PDE4B: variants seen among roughly 807,000 people sequenced by gnomAD.
The protein encoded by PDE4B is phosphodiesterase 4B.
A neutral mutation model predicts 82.2 loss-of-function variants in PDE4B; 20 were observed. The observed-to-expected ratio is 0.24, with a 90% CI of 0.17 to 0.35. The LOEUF (loss-of-function observed/expected upper bound fraction) is 0.35, where lower values mean the gene tolerates loss of function less well. Ranked by LOEUF, PDE4B falls within the 10% of genes least tolerant of loss-of-function variation. The pLI is 1.00. For synonymous variants in PDE4B, 320 were observed against 318.9 expected (o/e 1.00, Z -0.04); for missense variants, 655 against 907.2 (o/e 0.72, Z 3.57).
At chr1:65,845,508 G>T (rs1476131178) in intron 1 of PDE4B, among the ~76,000 whole-genome samples, 1 of 152,164 alleles carries the variant, frequency 6.6e-6, no homozygotes, top group Non-Finnish European at 1.5e-5. Context: ...TATTGTAGGG[G>T]TGAGATATGG....
At chr1:65,962,767 G>T (rs912075053) in intron 3 of PDE4B, among the ~76,000 whole-genome samples, 1 of 152,140 alleles carries the variant, frequency 6.6e-6, no homozygotes, top group Non-Finnish European at 1.5e-5. Flanking sequence ...CACGAGGCAG[G>T]TCTATGTCCT....
intron 3 of PDE4B, among the ~76,000 whole-genome samples, chr1:66,149,663 G>T (rs1037965384): frequency 2.2e-4 from 34 of 152,106 alleles, no homozygotes; most frequent in Admixed American, 1.3e-4. Flanking sequence ...AGATCAGCCT[G>T]GGCAACATAG....
chr1:65,911,326 A>G (rs1453200068), intron 1 of PDE4B, among the ~76,000 whole-genome samples: 2 of 152,130 alleles, frequency 1.3e-5, no homozygotes, highest in African/African-American at 4.8e-5. Flanking sequence ...AAGAAATTCA[A>G]CTCACTTAGA....
rs538545355 is a variant in PDE4B at position 65,987,672 on chromosome 1, G to A, written c.281+68837G>A. 4.6e-5 allele frequency among the ~76,000 whole-genome samples: 7 copies of A among 152,190 alleles called. No homozygotes were observed. In the South Asian group the frequency reaches 1.0e-3, roughly 23 times the overall value. On this transcript the variant is annotated intron_variant, in intron 3 of 16. Transcript: ENST00000341517. ...TGTCTGCCTGGGCTGGAGTGCAATG[G>A]CACAATCTCTGCTCACCACAACCTC...
intron 3 of PDE4B, 49 bp downstream of exon 3, chr1:65,918,884 T>G: frequency 2.7e-6 from 3 of 1,109,456 alleles, no homozygotes; most frequent in Non-Finnish European, 4.2e-6. Flanking sequence ...TATTTTCCAA[T>G]TTCTCCAAAT....
At chr1:65,886,271 G>A (rs538861531) in intron 1 of PDE4B, among the ~76,000 whole-genome samples, 152 of 151,974 alleles carry the variant, frequency 1.0e-3, no homozygotes, top group Non-Finnish European at 1.9e-3. Flanking sequence ...ATATTTGTAT[G>A]TATTTATGGG....
At chr1:65,833,361 G>A (rs1226110185) in intron 1 of PDE4B, among the ~76,000 whole-genome samples, 2 of 152,162 alleles carry the variant, frequency 1.3e-5, no homozygotes, top group East Asian at 3.8e-4. Context: ...CCCCTCACCA[G>A]ACTTTAAGGC....
chr1:65,808,016 T>C lies in PDE4B; in HGVS notation c.-71+14768T>C, dbSNP rs76438520. 8.2e-3 allele frequency among the ~76,000 whole-genome samples: 1,242 copies of C among 152,222 alleles called. 14 individuals are homozygous for C. The highest frequency in any genetic ancestry group is 0.029 in the African/African-American group (1,185 of 41,534). On this transcript the variant is annotated intron_variant, in intron 1 of 16. Coordinates refer to ENST00000341517, the MANE Select transcript of PDE4B (RefSeq NM_002600.4). ...TGTTACTTTGACCATAGTGTCTGCGTGAATACAGAGCATCGACCTCTAGAC... is the reference window on the plus strand; with the variant it reads ...TGTTACTTTGACCATAGTGTCTGCGCGAATACAGAGCATCGACCTCTAGAC...
intron 3 of PDE4B, among the ~76,000 whole-genome samples, chr1:66,230,715 A>G (rs1038066103): frequency 2.0e-5 from 3 of 152,234 alleles, no homozygotes; most frequent in African/African-American, 7.2e-5. Context: ...CTAACGTTAA[A>G]TAACAAATGA....
chr1:66,222,317 A>C (rs1319172121), intron 3 of PDE4B, among the ~76,000 whole-genome samples: 1 of 152,230 alleles, frequency 6.6e-6, no homozygotes, highest in Non-Finnish European at 1.5e-5. Context: ...TTCAAGGGTA[A>C]ATGTAATATC....
chr1:65,821,558 C>T (rs1426057301), intron 1 of PDE4B, among the ~76,000 whole-genome samples: 1 of 152,206 alleles, frequency 6.6e-6, no homozygotes, highest in Non-Finnish European at 1.5e-5. Flanking sequence ...AAAAAACCTG[C>T]TTTATCCAGT....
At chr1:65,879,664 T>G (rs1456214552) in intron 1 of PDE4B, among the ~76,000 whole-genome samples, 2 of 152,104 alleles carry the variant, frequency 1.3e-5, no homozygotes, top group Non-Finnish European at 2.9e-5. Flanking sequence ...AATAAAAGCA[T>G]GAAAACTACA....
chr1:66,298,997 A>G (rs1657702691), intron 7 of PDE4B, among the ~76,000 whole-genome samples: 2 of 152,152 alleles, frequency 1.3e-5, no homozygotes, highest in South Asian at 4.1e-4. Context: ...ATATTTTTAT[A>G]TATGTATACA....
intron 3 of PDE4B, among the ~76,000 whole-genome samples, chr1:66,200,209 C>A (rs1355156796): frequency 6.6e-6 from 1 of 152,124 alleles, no homozygotes; most frequent in Non-Finnish European, 1.5e-5. Flanking sequence ...GTCTATATCT[C>A]TGTTTTGGTA....
intron 3 of PDE4B, among the ~76,000 whole-genome samples, chr1:66,065,942 G>A (rs1655824393): frequency 6.6e-6 from 1 of 151,650 alleles, no homozygotes; most frequent in Admixed American, 6.6e-5. Context: ...GTACAAAAAG[G>A]CTTAGTGGTA....
chr1:66,370,423 A>C (rs1459692427), intron 16 of PDE4B, among the ~76,000 whole-genome samples: 3 of 152,210 alleles, frequency 2.0e-5, no homozygotes. Flanking sequence ...TGCAAGATAG[A>C]TAAAGTAGAT....
intron 3 of PDE4B, among the ~76,000 whole-genome samples, chr1:66,031,265 A>T (rs72667440): frequency 0.22 from 33,243 of 152,174 alleles, 4,152 homozygotes; most frequent in Middle Eastern, 0.36. Flanking sequence ...TTCTCTGTGG[A>T]TTAATAAAAA....
At chr1:66,178,018 C>A (rs1294718874) in intron 3 of PDE4B, among the ~76,000 whole-genome samples, 1 of 150,006 alleles carries the variant, frequency 6.7e-6, no homozygotes, top group African/African-American at 2.5e-5. Context: ...CCTCACAATG[C>A]CTACTATTCC....
chr1:66,003,903 C>T (rs1040312450), intron 3 of PDE4B, among the ~76,000 whole-genome samples: 11 of 152,162 alleles, frequency 7.2e-5, no homozygotes, highest in Non-Finnish European at 1.6e-4. Flanking sequence ...ACCTGTCAGC[C>T]TGCTCAGCCA....
Sources: allele counts gnomAD v4.1 joint callset (sites outside exome capture counted in the v4.1 genomes callset), GRCh38; gene constraint gnomAD v4.1.1; transcripts MANE v1.5; gene names NCBI Gene and HGNC (gene_info 2026-07-23, HGNC 2026-07-21).